EEF1G: variants seen among roughly 807,000 people sequenced by gnomAD.
The protein encoded by EEF1G is eukaryotic translation elongation factor 1 gamma.
Under a neutral mutation model 58.3 loss-of-function variants are expected in EEF1G, and 14 were observed. The ratio of observed to expected loss-of-function variants is 0.24; its 90% CI spans 0.16 to 0.38. The LOEUF is 0.38. Among genes scored for constraint, EEF1G ranks in the 10% least tolerant of loss-of-function variants. The pLI, the probability that EEF1G is intolerant of heterozygous loss-of-function variation, is 1.00. For missense variants in EEF1G, 322 were observed against 550.1 expected (o/e 0.59, Z 4.15); for synonymous variants, 180 against 206.8 (o/e 0.87, Z 1.11).
At chr11:62,563,149 C>G (rs540826028) in intron 7 of EEF1G, among the ~76,000 whole-genome samples, 1 of 151,308 alleles carries the variant, frequency 6.6e-6, no homozygotes, top group East Asian at 2.0e-4. Flanking sequence ...TTCCTTGAGA[C>G]GGAGTCTAGC....
intron 5 of EEF1G, among the ~76,000 whole-genome samples, chr11:62,568,329 A>G (rs556682822): frequency 1.4e-5 from 2 of 146,404 alleles, no homozygotes; most frequent in Non-Finnish European, 3.0e-5. Flanking sequence ...TGGAGGTTGC[A>G]GTGAACCGAG....
intron 7 of EEF1G, among the ~76,000 whole-genome samples, chr11:62,560,938 T>C (rs1941486975): frequency 2.0e-5 from 3 of 152,198 alleles, no homozygotes; most frequent in Admixed American, 2.0e-4. Context: ...CTTTAGTCCA[T>C]CTCTGCCTAT....
At chr11:62,561,866 A>C (rs1590706783) in intron 7 of EEF1G, among the ~76,000 whole-genome samples, 3 of 152,216 alleles carry the variant, frequency 2.0e-5, no homozygotes, top group East Asian at 3.9e-4. Flanking sequence ...GACAAACTCC[A>C]ATTGACCCTT....
chr11:62,562,605 CCAAGTA>C (rs1432340061), intron 7 of EEF1G, among the ~76,000 whole-genome samples: 1 of 152,076 alleles, frequency 6.6e-6, no homozygotes, highest in Non-Finnish European at 1.5e-5. Flanking sequence ...CCTCAGCCTC[CCAAGTA>C]GTGGGATTAC....
At chr11:62,567,604 T>A in intron 5 of EEF1G, 76 bp from the exon 6 acceptor site, 1 of 1,417,852 alleles carries the variant, frequency 7.1e-7, no homozygotes, top group Non-Finnish European at 9.3e-7. Context: ...GAGTCCTTGC[T>A]CTACCTAAGT....
chr11:62,569,162 C>T (rs1299883577), intron 5 of EEF1G, among the ~76,000 whole-genome samples: 1 of 152,040 alleles, frequency 6.6e-6, no homozygotes, highest in East Asian at 1.9e-4. Flanking sequence ...AGAAAATATT[C>T]AAACGCATTT....
chr11:62,568,626 T>C (rs912358664), intron 5 of EEF1G, among the ~76,000 whole-genome samples: 53 of 152,190 alleles, frequency 3.5e-4, no homozygotes, highest in African/African-American at 1.3e-3. Flanking sequence ...GGAGTAATAA[T>C]TGTCTTGCTC....
intron 4 of EEF1G, 79 bp downstream of exon 4, chr11:62,571,461 C>A: frequency 1.3e-6 from 2 of 1,483,786 alleles, no homozygotes; most frequent in Non-Finnish European, 9.0e-7. Context: ...TTTTTTCAAC[C>A]TATTTTATTT....
intron 7 of EEF1G, among the ~76,000 whole-genome samples, chr11:62,566,417 G>A (rs570491411): frequency 2.6e-5 from 4 of 152,178 alleles, no homozygotes; most frequent in South Asian, 4.1e-4. Flanking sequence ...CACTATCTCC[G>A]CACAGCCGGG....
intron 5 of EEF1G, 23 bp from the exon 6 acceptor site, chr11:62,567,551 A>G (rs1941571603): frequency 1.5e-5 from 23 of 1,570,010 alleles, no homozygotes; most frequent in Non-Finnish European, 2.0e-5. Context: ...AAGGGTGTAA[A>G]CAAAGTCAGT....
intron 9 of EEF1G, 106 bp from the exon 10 acceptor site, chr11:62,559,943 A>G: frequency 6.2e-7 from 1 of 1,607,350 alleles, no homozygotes; most frequent in Non-Finnish European, 8.5e-7. Context: ...TCCTGTGAAC[A>G]TGAACTGCTC....
chr11:62,572,759 G>A lies in EEF1G; in HGVS notation c.13-17C>T. The A allele has an allele frequency of 6.3e-7, 1 of 1,599,170 alleles. No individual in the cohort carries two copies. Among genetic ancestry groups the A allele is most frequent in the Non-Finnish European group, 8.6e-7 (1 of 1,168,592 alleles). Reference sequence around the variant, plus strand: ...GTACAGGGTCTATGGGAGAAAGAGAGGGACAAAATTAATGAGTAGAAGGGT... The same window carrying A: ...GTACAGGGTCTATGGGAGAAAGAGAAGGACAAAATTAATGAGTAGAAGGGT... On this transcript the variant is annotated splice_polypyrimidine_tract_variant and intron_variant, in intron 1 of 9. Coordinates refer to ENST00000329251, the MANE Select transcript of EEF1G (RefSeq NM_001404.5).
chr11:62,562,307 T>A (rs1941505551), intron 7 of EEF1G, among the ~76,000 whole-genome samples: 1 of 152,200 alleles, frequency 6.6e-6, no homozygotes, highest in Non-Finnish European at 1.5e-5. Flanking sequence ...TAGCCGTCTC[T>A]TGGTTGCCGG....
Position 62,573,852 on chromosome 11 carries a change from G to A in EEF1G, c.-10C>T, listed in dbSNP as rs771793192. 5.0e-6 allele frequency: 8 copies of A among 1,613,570 alleles called. No homozygotes were observed. In the African/African-American group the frequency reaches 8.0e-5, roughly 16 times the overall value. On this transcript the variant is annotated 5_prime_UTR_variant, in exon 1 of 10. Coordinates refer to ENST00000329251, the MANE Select transcript of EEF1G (RefSeq NM_001404.5). ...TTACCCCAGCCGCCATGGTGATTCC[G>A]CAAAGAAAGGGGGTGGGGTTCTCGG...
Position 62,568,026 on chromosome 11 carries a change from G to A in EEF1G, c.523-498C>T, listed in dbSNP as rs561356388. 4.0e-5 allele frequency among the ~76,000 whole-genome samples: 6 copies of A among 151,014 alleles called. No individual in the cohort carries two copies. In the South Asian group the frequency reaches 8.4e-4, roughly 21 times the overall value. Reference sequence around the variant, plus strand: ...GGGCGGATCACGAGGTCAGGAGATCGAGACCATCCTGGCTAACACGGTGAA... The same window carrying A: ...GGGCGGATCACGAGGTCAGGAGATCAAGACCATCCTGGCTAACACGGTGAA... On this transcript the variant is annotated intron_variant, in intron 5 of 9. Transcript: ENST00000329251.
At chr11:62,567,659 T>A in intron 5 of EEF1G, 131 bp from the exon 6 acceptor site, 1 of 850,442 alleles carries the variant, frequency 1.2e-6, no homozygotes. Context: ...AATAGCTTCA[T>A]ACAACATCAT....
chr11:62,566,441 G>A (rs777744087), intron 7 of EEF1G, among the ~76,000 whole-genome samples: 4 of 152,054 alleles, frequency 2.6e-5, no homozygotes, highest in South Asian at 4.1e-4. Flanking sequence ...GTGGCGCACC[G>A]CAAGGCTCTC....
rs571724338 is a variant in EEF1G at position 62,560,209 on chromosome 11, A to C, written c.1031-16T>G. 6 of 1,614,030 alleles carry C rather than the reference A, an allele frequency of 3.7e-6. 1 individual carries two copies. The South Asian group carries it at 6.6e-5, about 18-fold the overall frequency. The stretch of plus-strand genomic sequence containing the variant: ...TGGAACATTCCTGAAGCGGCAAGGG[A>C]GAACATTCAGCCTTTGGAATCACAG... On this transcript the variant is annotated splice_polypyrimidine_tract_variant and intron_variant, in intron 8 of 9. Coordinates refer to ENST00000329251, the MANE Select transcript of EEF1G (RefSeq NM_001404.5).
chr11:62,567,263 A>T (rs188640580), intron 6 of EEF1G, 136 bp downstream of exon 6: 1 of 1,220,750 alleles, frequency 8.2e-7, no homozygotes, highest in East Asian at 2.5e-5. Context: ...ACTGCACATA[A>T]TATTAGCTAC....
Sources: gnomAD v4.1 joint callset for allele counts (sites outside exome capture counted in the v4.1 genomes callset) on GRCh38, gnomAD v4.1.1 for gene constraint, MANE v1.5 for transcripts, NCBI Gene and HGNC (gene_info 2026-07-23, HGNC 2026-07-21) for gene names.